CDK8: variants seen among roughly 807,000 people sequenced by gnomAD.
CDK8 encodes cyclin-dependent kinase 8.
In CDK8, 29 loss-of-function variants were observed where a neutral mutation model predicts 71.5. The observed-to-expected ratio is 0.41, with a 90% CI of 0.30 to 0.55. CDK8 has a LOEUF of 0.55. Ranked by LOEUF, CDK8 falls within the 20% of genes least tolerant of loss-of-function variation. The probability of loss-of-function intolerance (pLI) is 0.37; values close to 1 mark genes in which losing one functional copy is unlikely to be tolerated. For missense variants in CDK8, 288 were observed against 572.6 expected, an observed-to-expected ratio of 0.50 and a Z score of 5.07; for synonymous variants, 161 against 192.1, an observed-to-expected ratio of 0.84 and a Z score of 1.34.
chr13:26,324,452 T>G (rs1055879423), intron 1 of CDK8, among the ~76,000 whole-genome samples: 1 of 152,164 alleles, frequency 6.6e-6, no homozygotes, highest in Non-Finnish European at 1.5e-5. Flanking sequence ...ACATCACTCT[T>G]GAGTACTTAT....
intron 1 of CDK8, among the ~76,000 whole-genome samples, chr13:26,298,081 C>G (rs74040489): frequency 0.023 from 3,486 of 152,118 alleles, 135 homozygotes; most frequent in African/African-American, 0.08. Flanking sequence ...CTAATACTTC[C>G]CCGAAGCCCC....
intron 4 of CDK8, among the ~76,000 whole-genome samples, chr13:26,377,614 TCAG>T (rs916140200): frequency 1.5e-4 from 23 of 152,270 alleles, no homozygotes; most frequent in Admixed American, 3.9e-4. Context: ...CTTAAGGTGT[TCAG>T]CAGTACTAGT....
chr13:26,295,172 A>C (rs1253998213), intron 1 of CDK8, among the ~76,000 whole-genome samples: 5 of 152,224 alleles, frequency 3.3e-5, no homozygotes, highest in African/African-American at 1.2e-4. Flanking sequence ...ACTTAAGAGT[A>C]AAGTACCAAA....
chr13:26,394,068 G>T (rs945980098), intron 7 of CDK8, among the ~76,000 whole-genome samples: 2 of 152,116 alleles, frequency 1.3e-5, no homozygotes, highest in Non-Finnish European at 2.9e-5. Flanking sequence ...CAGAGAGATG[G>T]TTTACATGTA....
At chr13:26,320,316 C>T (rs918063975) in intron 1 of CDK8, among the ~76,000 whole-genome samples, 3 of 151,750 alleles carry the variant, frequency 2.0e-5, no homozygotes, top group Non-Finnish European at 4.4e-5. Flanking sequence ...GAGGCTGGGT[C>T]GGGAGGATCG....
At chr13:26,271,866 A>T (rs1258924496) in intron 1 of CDK8, among the ~76,000 whole-genome samples, 1 of 118,178 alleles carries the variant, frequency 8.5e-6, no homozygotes, top group Non-Finnish European at 1.6e-5. Context: ...AAAAATTGGT[A>T]TACCTGTGTA....
At chr13:26,309,702 T>A (rs893103823) in intron 1 of CDK8, among the ~76,000 whole-genome samples, 2 of 152,194 alleles carry the variant, frequency 1.3e-5, no homozygotes, top group Non-Finnish European at 2.9e-5. Context: ...CTGAGTACTG[T>A]CACATTTACA....
chr13:26,283,330 C>T (rs558277211), intron 1 of CDK8, among the ~76,000 whole-genome samples: 1 of 152,246 alleles, frequency 6.6e-6, no homozygotes, highest in Non-Finnish European at 1.5e-5. Flanking sequence ...ACAAAATTGG[C>T]TGGGCACGGT....
At chr13:26,367,177 A>G (rs1874429609) in intron 4 of CDK8, among the ~76,000 whole-genome samples, 1 of 152,096 alleles carries the variant, frequency 6.6e-6, no homozygotes, top group Non-Finnish European at 1.5e-5. Context: ...TTAACACTAG[A>G]TGGTAAAATC....
intron 1 of CDK8, among the ~76,000 whole-genome samples, chr13:26,310,784 A>G (rs908844099): frequency 2.0e-5 from 3 of 151,990 alleles, no homozygotes; most frequent in African/African-American, 7.3e-5. Context: ...TCTGCTCTAC[A>G]TTGTATTTCC....
chr13:26,284,235 C>G (rs1193069095), intron 1 of CDK8, among the ~76,000 whole-genome samples: 2 of 151,890 alleles, frequency 1.3e-5, no homozygotes, highest in South Asian at 2.1e-4. Flanking sequence ...ACTAAAGAAA[C>G]GAAGAACAAA....
At chr13:26,352,132 A>G (rs1252401733) in intron 3 of CDK8, among the ~76,000 whole-genome samples, 1 of 151,780 alleles carries the variant, frequency 6.6e-6, no homozygotes, top group Admixed American at 6.6e-5. Context: ...TTTTCAAAAA[A>G]TTAACCTATT....
chr13:26,296,958 T>C (rs965736416), intron 1 of CDK8, among the ~76,000 whole-genome samples: 4 of 152,070 alleles, frequency 2.6e-5, no homozygotes, highest in Non-Finnish European at 4.4e-5. Flanking sequence ...TAACCTGTAG[T>C]ATTAAAGGAC....
chr13:26,365,976 A>G (rs1003640366), intron 4 of CDK8, among the ~76,000 whole-genome samples: 2 of 152,142 alleles, frequency 1.3e-5, no homozygotes, highest in African/African-American at 4.8e-5. Flanking sequence ...ATACTGTGAA[A>G]AAAAACCATA....
At position 26,332,488 on chromosome 13, in the gene CDK8, C is replaced by CATAT. The variant is rs71188722; in HGVS notation, c.129-5067_129-5064dup. Among the ~76,000 whole-genome samples the CATAT allele has an allele frequency of 8.1e-3, 1,198 of 148,180 alleles. 4 individuals are homozygous for CATAT. Among genetic ancestry groups the CATAT allele is most frequent in the African/African-American group, 0.024 (990 of 40,672 alleles). ...CAACAGAGCAAGACTCCATATAATA[C>CATAT]ATATATATATATATAAAATCATATC... On this transcript the variant is annotated intron_variant, in intron 1 of 12. Coordinates refer to ENST00000381527, the MANE Select transcript of CDK8 (RefSeq NM_001260.3).
At position 26,254,180 on chromosome 13, in the gene CDK8, AGAGT is replaced by A. The variant is rs533020430; in HGVS notation, c.-444_-441del. ...CTGCCCTTCTGTTTGAGTGTATGGGAGAGTGAGTGAGTGAGTGAGTGTGAGCGTG... is the reference window on the plus strand; with the variant it reads ...CTGCCCTTCTGTTTGAGTGTATGGGAGAGTGAGTGAGTGAGTGTGAGCGTG... On this transcript the variant is annotated 5_prime_UTR_variant, in exon 1 of 13. Coordinates refer to ENST00000381527, the MANE Select transcript of CDK8 (RefSeq NM_001260.3). This position sits in a 1 kb window ranked among gnomAD's most constrained non-coding sequence, Gnocchi z 6.7. 1.3e-3 allele frequency: 313 copies of A among 237,690 alleles called. 1 individual carries two copies. The highest frequency in any genetic ancestry group is 2.2e-3 in the South Asian group (15 of 6,918). The allele number at this position is 237,690 out of a possible 1,614,324, so 14.7% of individuals were successfully genotyped here.
At chr13:26,353,281 T>C (rs1873757411) in intron 3 of CDK8, among the ~76,000 whole-genome samples, 1 of 152,224 alleles carries the variant, frequency 6.6e-6, no homozygotes, top group Non-Finnish European at 1.5e-5. Flanking sequence ...CATTTCTTTG[T>C]GCTTGTGTGT....
At chr13:26,351,925 G>A (rs1166056105) in intron 3 of CDK8, among the ~76,000 whole-genome samples, 2 of 151,942 alleles carry the variant, frequency 1.3e-5, no homozygotes, top group Non-Finnish European at 2.9e-5. Flanking sequence ...TGTATATTTT[G>A]CATTTGTTAT....
chr13:26,299,967 GT>G (rs1364808324), intron 1 of CDK8, among the ~76,000 whole-genome samples: 1 of 152,078 alleles, frequency 6.6e-6, no homozygotes, highest in Non-Finnish European at 1.5e-5. Context: ...CTCATGGTCA[GT>G]GCAGAAATGA....
Sources: allele counts gnomAD v4.1 joint callset (sites outside exome capture counted in the v4.1 genomes callset), GRCh38; gene constraint gnomAD v4.1.1; non-coding constraint Gnocchi (gnomAD v3.1); transcripts MANE v1.5; gene names NCBI Gene and HGNC (gene_info 2026-07-23, HGNC 2026-07-21).